Variants in CCDC141 observed in about 807,000 individuals in gnomAD.
CCDC141 encodes coiled-coil domain containing 141.
Under a neutral mutation model 181.0 loss-of-function variants are expected in CCDC141, and 168 were observed. The observed-to-expected ratio is 0.93, with a 90% confidence interval of 0.82 to 1.05. The LOEUF (loss-of-function observed/expected upper bound fraction) is 1.05, where lower values mean the gene tolerates loss of function less well. Ranked by LOEUF, CCDC141 falls within the 50% of genes least tolerant of loss-of-function variation. CCDC141 has a pLI of 0.00. For synonymous variants in CCDC141, 666 were observed against 642.3 expected (o/e 1.04, Z -0.56); for missense variants, 1,902 against 1,788.5 (o/e 1.06, Z -1.14).
chr2:178,888,858 T>G (rs1031417666), intron 8 of CCDC141, among the ~76,000 whole-genome samples, 190 bp from the exon 9 acceptor site: 10 of 152,228 alleles, frequency 6.6e-5, no homozygotes, highest in African/African-American at 2.4e-4. Flanking sequence ...TGTCTGTCAG[T>G]CCTGAGGGAA....
intron 7 of CCDC141, among the ~76,000 whole-genome samples, chr2:178,918,147 T>C (rs888642104): frequency 5.3e-5 from 8 of 152,046 alleles, no homozygotes; most frequent in Non-Finnish European, 1.2e-4. Flanking sequence ...TGGTGGCTCA[T>C]GCCTACAATT....
intron 8 of CCDC141, among the ~76,000 whole-genome samples, chr2:178,889,352 G>T (rs116330164): frequency 6.6e-6 from 1 of 152,216 alleles, no homozygotes; most frequent in African/African-American, 2.4e-5. Flanking sequence ...CCTAGCTCTA[G>T]TCCAAAGATA....
At chr2:178,995,572 T>A (rs1692251664) in intron 2 of CCDC141, among the ~76,000 whole-genome samples, 1 of 152,138 alleles carries the variant, frequency 6.6e-6, no homozygotes, top group Non-Finnish European at 1.5e-5. Context: ...TCTCTTATAC[T>A]TAATAAAGAA....
chr2:179,024,709 C>G (rs2042783688), intron 2 of CCDC141, among the ~76,000 whole-genome samples: 1 of 152,198 alleles, frequency 6.6e-6, no homozygotes, highest in South Asian at 2.1e-4. Context: ...CGACACTACT[C>G]AATACTTCTG....
At chr2:178,840,150 T>C (rs976054880) in intron 22 of CCDC141, among the ~76,000 whole-genome samples, 2 of 152,228 alleles carry the variant, frequency 1.3e-5, no homozygotes, top group African/African-American at 4.8e-5. Flanking sequence ...GTTTGGAGAA[T>C]TGGTCCTACA....
chr2:179,028,230 T>A (rs774312301), intron 2 of CCDC141, among the ~76,000 whole-genome samples: 9 of 152,190 alleles, frequency 5.9e-5, no homozygotes, highest in Non-Finnish European at 1.3e-4. Context: ...TATCACTGCT[T>A]CCCTTCCTTC....
rs1575126504 is a variant in CCDC141 at position 178,849,984 on chromosome 2, A to G, written c.3357+65T>C. The stretch of plus-strand genomic sequence containing the variant: ...TGTTAAAATGTCTTTGCACCAGAAG[A>G]CATTTGATTAACACATTTTTATTTA... On this transcript the variant is annotated intron_variant, in intron 21 of 23. Transcript: ENST00000443758. 7 of 853,358 alleles carry G rather than the reference A, an allele frequency of 8.2e-6. No homozygotes were observed. In the East Asian group the frequency reaches 1.7e-4, roughly 21 times the overall value. 52.9% of individuals were successfully genotyped at this position (853,358 alleles called of 1,614,324 possible). A position where few individuals can be genotyped will look rare whatever the true frequency, so the allele number is the denominator to read the frequency against.
chr2:178,816,799 A>T, the CCDC141 span, among the ~76,000 whole-genome samples: 152,112 of 152,284 alleles, frequency 1, 75,970 homozygotes, highest in Non-Finnish European at 1. Flanking sequence ...ATAATTAGGG[A>T]GTATTCTACA....
intron 2 of CCDC141, among the ~76,000 whole-genome samples, chr2:178,984,512 C>T (rs1019374964): frequency 6.6e-6 from 1 of 151,902 alleles, no homozygotes; most frequent in African/African-American, 2.4e-5. Flanking sequence ...TTAAAAGACA[C>T]AGACTGGCAA....
rs540573904 is a variant in CCDC141 at position 178,864,741 on chromosome 2, G to A, written c.2724+1026C>T. ...AGAGCCAGGCCACCATTAAAGTTGA[G>A]TTATTTATACTTATTTCTGTGCTTT... is the stretch of plus-strand genomic sequence containing the variant. On this transcript the variant is annotated intron_variant, in intron 17 of 23. Transcript: ENST00000443758. Among the ~76,000 whole-genome samples the A allele has an allele frequency of 1.2e-3, 181 of 152,282 alleles. 2 individuals are homozygous for A. Among genetic ancestry groups the A allele is most frequent in the African/African-American group, 3.9e-3 (161 of 41,554 alleles).
intron 22 of CCDC141, among the ~76,000 whole-genome samples, chr2:178,838,603 T>G (rs1684589545): frequency 6.6e-6 from 1 of 152,240 alleles, no homozygotes; most frequent in Non-Finnish European, 1.5e-5. Flanking sequence ...CATGCTAGTA[T>G]TAGAGGCATA....
At chr2:178,927,917 A>G (rs1688968978) in intron 6 of CCDC141, among the ~76,000 whole-genome samples, 1 of 152,206 alleles carries the variant, frequency 6.6e-6, no homozygotes, top group Admixed American at 6.5e-5. Context: ...CTTTGAGGTT[A>G]GTTAAAGCCT....
chr2:178,986,597 C>G (rs1427386426), intron 2 of CCDC141, among the ~76,000 whole-genome samples: 6 of 151,156 alleles, frequency 4.0e-5, no homozygotes, highest in East Asian at 3.9e-4. Flanking sequence ...TCTCCTTAAG[C>G]TGATAAGCAA....
At chr2:178,836,680 T>G in intron 23 of CCDC141, 1 of 484,388 alleles carries the variant, frequency 2.1e-6, no homozygotes, top group South Asian at 3.4e-5. Context: ...AAATTATTAG[T>G]ACTTTATATG....
intron 2 of CCDC141, among the ~76,000 whole-genome samples, chr2:178,989,144 AG>A (rs1691905605): frequency 6.6e-6 from 1 of 152,206 alleles, no homozygotes; most frequent in South Asian, 2.1e-4. Flanking sequence ...AACAACAAAC[AG>A]ATAAATTGGA....
rs375234020 is a variant in CCDC141 at position 178,944,402 on chromosome 2, G to T, written c.897+133C>A. On this transcript the variant is annotated intron_variant, in intron 6 of 23. Transcript: ENST00000443758. Reference sequence around the variant, plus strand: ...CAGTGGTATTTGCTAATGTTATTGGGATATTTTTTTACATGAACAGTAGAT... The same window carrying T: ...CAGTGGTATTTGCTAATGTTATTGGTATATTTTTTTACATGAACAGTAGAT... The T allele has an allele frequency of 2.0e-5, 9 of 452,206 alleles. No individual in the cohort carries two copies. The East Asian group carries it at 2.7e-4, about 13-fold the overall frequency. The allele number at this position is 452,206 out of a possible 1,614,324, so 28.0% of individuals were successfully genotyped here.
At chr2:178,940,495 T>C (rs1220291963) in intron 6 of CCDC141, among the ~76,000 whole-genome samples, 1 of 152,124 alleles carries the variant, frequency 6.6e-6, no homozygotes, top group African/African-American at 2.4e-5. Flanking sequence ...AGTAGGTCCC[T>C]GTGAGAATGA....
At position 179,006,219 on chromosome 2, in the gene CCDC141, T is replaced by C. The variant is rs1178106346; in HGVS notation, c.226-27544A>G. Among the ~76,000 whole-genome samples, 3 of 152,224 alleles carry C rather than the reference T, an allele frequency of 2.0e-5. No homozygotes were observed. The East Asian group carries it at 5.8e-4, about 29-fold the overall frequency. On this transcript the variant is annotated intron_variant, in intron 2 of 23. Coordinates refer to ENST00000443758, the MANE Select transcript of CCDC141 (RefSeq NM_173648.4). ...TCATTTGCATTTCATTGGCAGATAA[T>C]ATTACTTGAGATATCATTCAATTTG...
chr2:178,997,776 G>A (rs556905879), intron 2 of CCDC141, among the ~76,000 whole-genome samples: 1 of 152,210 alleles, frequency 6.6e-6, no homozygotes, highest in East Asian at 1.9e-4. Context: ...CCTGTTTAGA[G>A]CTATACAATT....
Sources: allele counts gnomAD v4.1 joint callset (sites outside exome capture counted in the v4.1 genomes callset), GRCh38; gene constraint gnomAD v4.1.1; transcripts MANE v1.5; gene names NCBI Gene and HGNC (gene_info 2026-07-23, HGNC 2026-07-21).